Variants in EMP2 observed in about 807,000 individuals in gnomAD.
EMP2 encodes the protein epithelial membrane protein 2.
Under a neutral mutation model 13.7 loss-of-function variants are expected in EMP2, and 19 were observed. The observed-to-expected ratio is 1.38, with a 90% CI of 0.97 to 2.03. EMP2 has a LOEUF of 2.03. EMP2 is among the 30% of genes most tolerant of loss of function. The probability of loss-of-function intolerance (pLI) is 0.00; values close to 1 mark genes in which losing one functional copy is unlikely to be tolerated. For missense variants in EMP2, 253 were observed against 220.7 expected (o/e 1.15, Z -0.93); for synonymous variants, 97 against 84.7 (o/e 1.15, Z -0.80).
At chr16:10,570,099 T>C (rs1194320882) in intron 1 of EMP2, among the ~76,000 whole-genome samples, 1 of 152,116 alleles carries the variant, frequency 6.6e-6, no homozygotes, top group African/African-American at 2.4e-5. Flanking sequence ...AACTATCAGA[T>C]AGGAAGCGAT....
At chr16:10,571,051 G>A (rs1401698739) in intron 1 of EMP2, among the ~76,000 whole-genome samples, 1 of 151,654 alleles carries the variant, frequency 6.6e-6, no homozygotes, top group African/African-American at 2.4e-5. Context: ...GAGGTCAAGA[G>A]ATAGAAACCA....
At position 10,538,001 on chromosome 16, in the gene EMP2, G is replaced by T; in HGVS notation, c.243C>A (p.Ile81=). Reference sequence around the variant, plus strand: ...TCAGGCGGAAGAGCTGGAGCACGAAGATGAAGAAGGCGATGCAGCAGAGAA... The same window carrying T: ...TCAGGCGGAAGAGCTGGAGCACGAATATGAAGAAGGCGATGCAGCAGAGAA... The part of the protein sequence containing the change: ...STILCCIAFF[I]FVLQLFRLKQ... Residue 81 remains isoleucine, a synonymous_variant, in exon 4 of 5, where the codon ATC becomes ATA. Coordinates refer to ENST00000359543, the MANE Select transcript of EMP2 (RefSeq NM_001424.6). 1 of 1,614,152 alleles carries T rather than the reference G, an allele frequency of 6.2e-7. No individual in the cohort carries two copies. The highest frequency in any genetic ancestry group is 8.5e-7 in the Non-Finnish European group (1 of 1,180,022).
intron 1 of EMP2, among the ~76,000 whole-genome samples, chr16:10,574,692 C>T (rs558635001): frequency 6.6e-6 from 1 of 152,198 alleles, no homozygotes; most frequent in African/African-American, 2.4e-5. Context: ...GCTGGGACTA[C>T]AGGTGTGTGC....
rs141501308 is a variant in EMP2 at position 10,532,941 on chromosome 16, G to A, written c.468C>T (p.Ser156=). Reference sequence around the variant, plus strand: ...TCCTCAGTATCAGGTACATCATGCCGCTGATGAAGGTGCAGGCGAAGGCCA... The same window carrying A: ...TCCTCAGTATCAGGTACATCATGCCACTGATGAAGGTGCAGGCGAAGGCCA... The part of the protein sequence containing the change: ...AWVAFACTFI[S]GMMYLILRKR... Residue 156 remains serine (S), a synonymous_variant, in exon 5 of 5, where the codon AGC becomes AGT. Transcript: ENST00000359543. 5.9e-5 allele frequency: 95 copies of A among 1,601,266 alleles called. No individual in the cohort carries two copies. The African/African-American group carries it at 8.8e-4, about 15-fold the overall frequency.
Position 10,580,143 on chromosome 16 carries a change from CG to C in EMP2, c.-61+405del, listed in dbSNP as rs2142219622. Reference sequence around the variant, plus strand: ...CGCAGCCCAGGAGGACCCGCTGGCCCGGCCTGGCGCACCAGTCCTGCCCGCG... The same window carrying C: ...CGCAGCCCAGGAGGACCCGCTGGCCCGCCTGGCGCACCAGTCCTGCCCGCG... On this transcript the variant is annotated intron_variant, in intron 1 of 4. Coordinates refer to ENST00000359543, the MANE Select transcript of EMP2 (RefSeq NM_001424.6). This position sits in a 1 kb window ranked among gnomAD's most constrained non-coding sequence, Gnocchi z 4.3. Among the ~76,000 whole-genome samples the C allele has an allele frequency of 6.6e-6, 1 of 152,290 alleles. No individual in the cohort carries two copies. Among genetic ancestry groups the C allele is most frequent in the Non-Finnish European group, 1.5e-5 (1 of 68,002 alleles).
At position 10,532,898 on chromosome 16, in the gene EMP2, CGGA is replaced by C. The variant is rs1233261179; in HGVS notation, c.*4_*6del. 1.4e-6 allele frequency: 2 copies of C among 1,476,512 alleles called. No individual in the cohort carries two copies. The highest frequency in any genetic ancestry group is 1.8e-6 in the Non-Finnish European group (2 of 1,104,482). The allele number at this position is 1,476,512 out of a possible 1,614,324, so 91.5% of individuals were successfully genotyped here. A position where few individuals can be genotyped will look rare whatever the true frequency, so the allele number is the denominator to read the frequency against. On this transcript the variant is annotated 3_prime_UTR_variant, in exon 5 of 5. Transcript: ENST00000359543. ...TACTGCAGCAGAAGCAACCCAGCTC[CGGA>C]ACTCTATTTGCGCTTCCTCAGTATC...
chr16:10,540,026 T>C (rs1271179052), intron 3 of EMP2, among the ~76,000 whole-genome samples: 1 of 152,010 alleles, frequency 6.6e-6, no homozygotes, highest in Admixed American at 6.6e-5. Context: ...ATGGGGCAAA[T>C]GGGGAAAACA....
chr16:10,543,048 A>G (rs145952608), intron 3 of EMP2, among the ~76,000 whole-genome samples: 1,893 of 152,212 alleles, frequency 0.012, 36 homozygotes, highest in African/African-American at 0.043. Context: ...GTTTCGCCAT[A>G]TTGACCAGGC....
intron 1 of EMP2, among the ~76,000 whole-genome samples, chr16:10,573,164 C>T (rs2050959519): frequency 6.6e-6 from 1 of 152,242 alleles, no homozygotes; most frequent in African/African-American, 2.4e-5. Flanking sequence ...ATCCTCCCAC[C>T]TCAGCCTTCA....
chr16:10,547,128 G>GGT (rs1467493367), intron 2 of EMP2: 1 of 157,672 alleles, frequency 6.3e-6, no homozygotes, highest in Non-Finnish European at 1.4e-5. Flanking sequence ...TTCTCAACCT[G>GGT]TGATATGGTT....
chr16:10,547,314 C>T (rs529286208), intron 2 of EMP2: 25 of 508,556 alleles, frequency 4.9e-5, no homozygotes, highest in Admixed American at 3.7e-4. Context: ...CCCCTGCACA[C>T]GCTCTCTTGC....
chr16:10,549,654 A>C (rs545460866), intron 1 of EMP2, among the ~76,000 whole-genome samples: 2 of 152,164 alleles, frequency 1.3e-5, no homozygotes, highest in African/African-American at 4.8e-5. Flanking sequence ...GTACAGTGCG[A>C]ATCAGACCTT....
Position 10,580,334 on chromosome 16 carries a change from G to A in EMP2, c.-61+215C>T, listed in dbSNP as rs1334599336. Among the ~76,000 whole-genome samples the A allele has an allele frequency of 6.6e-6, 1 of 152,206 alleles. No homozygotes were observed. Among genetic ancestry groups the A allele is most frequent in the Non-Finnish European group, 1.5e-5 (1 of 68,022 alleles). ...CTCAAAAGGCGTGGGAAGCTGTCCC[G>A]GGATGGCGAAGTGGAATTCTGGGGC... On this transcript the variant is annotated intron_variant, in intron 1 of 4. Transcript: ENST00000359543. The surrounding 1 kb of genome is among the most constrained non-coding windows in gnomAD (Gnocchi z 4.3).
At chr16:10,563,864 T>C (rs1411324767) in intron 1 of EMP2, among the ~76,000 whole-genome samples, 1 of 152,248 alleles carries the variant, frequency 6.6e-6, no homozygotes, top group African/African-American at 2.4e-5. Flanking sequence ...ATCTGGCATG[T>C]AGCAAATGCT....
At position 10,537,968 on chromosome 16, in the gene EMP2, T is replaced by G; in HGVS notation, c.276A>C (p.Gly92=). The G allele has an allele frequency of 1.2e-6, 2 of 1,613,996 alleles. No individual in the cohort carries two copies. The highest frequency in any genetic ancestry group is 1.7e-6 in the Non-Finnish European group (2 of 1,179,996). The change falls in exon 4 of 5, where the codon GGA becomes GGC. Residue 92 remains glycine (G), a synonymous_variant. Coordinates refer to ENST00000359543, the MANE Select transcript of EMP2 (RefSeq NM_001424.6). ...TGATGGAGGTTAGGACAAACCTCTCTCCCTGCTTCAGGCGGAAGAGCTGGA... is the reference window on the plus strand; with the variant it reads ...TGATGGAGGTTAGGACAAACCTCTCGCCCTGCTTCAGGCGGAAGAGCTGGA... ...FVLQLFRLKQ[G]ERFVLTSIIQ... is the part of the protein sequence containing the mutation.
intron 1 of EMP2, among the ~76,000 whole-genome samples, chr16:10,572,743 G>A (rs2050956855): frequency 6.6e-6 from 1 of 152,166 alleles, no homozygotes; most frequent in East Asian, 1.9e-4. Flanking sequence ...CCCACCTGTA[G>A]CACCCCGCAA....
chr16:10,532,871 T>G lies in EMP2; in HGVS notation c.*34A>C. On this transcript the variant is annotated 3_prime_UTR_variant, in exon 5 of 5. Transcript: ENST00000359543. ...AAAATGGTTATCTGAATGTGGATTC[T>G]GTACTGCAGCAGAAGCAACCCAGCT... The G allele has an allele frequency of 7.3e-7, 1 of 1,369,582 alleles. No homozygotes were observed. The highest frequency in any genetic ancestry group is 9.5e-7 in the Non-Finnish European group (1 of 1,050,260). 84.8% of individuals were successfully genotyped at this position (1,369,582 alleles called of 1,614,324 possible). A position where few individuals can be genotyped will look rare whatever the true frequency, so the allele number is the denominator to read the frequency against.
intron 1 of EMP2, among the ~76,000 whole-genome samples, chr16:10,549,520 G>A (rs13331821): frequency 0.045 from 6,839 of 152,208 alleles, 553 homozygotes; most frequent in African/African-American, 0.15. Context: ...CAAATGATCT[G>A]GTTGGAAGAT....
intron 1 of EMP2, among the ~76,000 whole-genome samples, chr16:10,564,545 T>C (rs1268650692): frequency 6.6e-6 from 1 of 151,576 alleles, no homozygotes; most frequent in East Asian, 1.9e-4. Flanking sequence ...TTAGCTAGTT[T>C]GGTGGTCTGA....
Sources: gnomAD v4.1 joint callset for allele counts (sites outside exome capture counted in the v4.1 genomes callset) on GRCh38, gnomAD v4.1.1 for gene constraint, Gnocchi (gnomAD v3.1) non-coding constraint, MANE v1.5 for transcripts, NCBI Gene and HGNC (gene_info 2026-07-23, HGNC 2026-07-21) for gene names.